The following PCDHGB1 variants were observed in gnomAD, a reference collection of about 807,000 sequenced individuals.
The protein encoded by PCDHGB1 is protocadherin gamma-B1.
A neutral mutation model predicts 56.6 loss-of-function variants in PCDHGB1; 34 were observed. That is an observed-to-expected ratio of 0.60 (90% CI 0.46 to 0.80). The LOEUF (loss-of-function observed/expected upper bound fraction) is 0.80, where lower values mean the gene tolerates loss of function less well. Ranked by LOEUF, PCDHGB1 falls within the 30% of genes least tolerant of loss-of-function variation. The pLI, the probability that PCDHGB1 is intolerant of heterozygous loss-of-function variation, is 0.00. For missense variants in PCDHGB1, 1,278 were observed against 1,204.6 expected, an observed-to-expected ratio of 1.06 and a Z score of -0.90; for synonymous variants, 561 against 505.9, an observed-to-expected ratio of 1.11 and a Z score of -1.46.
At chr5:141,373,930 A>G in intron 1 of PCDHGB1, 1 of 675,978 alleles carries the variant, frequency 1.5e-6, no homozygotes, top group Non-Finnish European at 2.3e-6. Context: ...TAGACGGGAA[A>G]GCAGGAAAGC....
At chr5:141,444,473 G>C (rs943971075) in intron 1 of PCDHGB1, among the ~76,000 whole-genome samples, 6 of 151,972 alleles carry the variant, frequency 3.9e-5, no homozygotes, top group South Asian at 2.1e-4. Flanking sequence ...GCCCGGTCGC[G>C]TACTGGATTT....
chr5:141,389,827 G>A lies in PCDHGB1; in HGVS notation c.2409+37158G>A, dbSNP rs754189855. ...CTTCTGGTCGCCGTGCGTGACGGTG[G>A]ACAGCCACCACTCTCGGCCACTGCC... On this transcript the variant is annotated intron_variant, in intron 1 of 3. Transcript: ENST00000523390. The A allele has an allele frequency of 1.4e-5, 22 of 1,613,838 alleles. No individual in the cohort carries two copies. The African/African-American group carries it at 2.7e-4, about 20-fold the overall frequency.
intron 1 of PCDHGB1, chr5:141,383,890 G>T: frequency 1.2e-6 from 2 of 1,613,936 alleles, no homozygotes; most frequent in East Asian, 2.2e-5. Context: ...TCTGACAAAG[G>T]CAAAAGTACT....
Position 141,485,200 on chromosome 5 carries a change from A to C in PCDHGB1, c.2410-9607A>C. 1 of 1,614,116 alleles carries C rather than the reference A, an allele frequency of 6.2e-7. No homozygotes were observed. The highest frequency in any genetic ancestry group is 2.2e-5 in the East Asian group (1 of 44,872). ...TGCTCCGCAAGGTGAGAAGCTGGAC[A>C]GAAATCTGGCGGTGGGCTACCCTTT... On this transcript the variant is annotated intron_variant, in intron 1 of 3. Coordinates refer to ENST00000523390, the MANE Select transcript of PCDHGB1 (RefSeq NM_018922.3). This position sits in a 1 kb window ranked among gnomAD's most constrained non-coding sequence, Gnocchi z 5.7.
intron 1 of PCDHGB1, chr5:141,384,020 G>C: frequency 6.2e-7 from 1 of 1,613,730 alleles, no homozygotes; most frequent in Non-Finnish European, 8.5e-7. Context: ...CTACAAGACA[G>C]AGATTCTGGA....
chr5:141,505,041 C>T (rs1028101225), intron 2 of PCDHGB1, among the ~76,000 whole-genome samples: 4 of 152,142 alleles, frequency 2.6e-5, no homozygotes, highest in African/African-American at 9.7e-5. Flanking sequence ...AGGTGCCTGT[C>T]ATCCCAGCTA....
intron 2 of PCDHGB1, among the ~76,000 whole-genome samples, chr5:141,496,582 G>C (rs991035985): frequency 6.6e-6 from 1 of 152,100 alleles, no homozygotes; most frequent in Non-Finnish European, 1.5e-5. Flanking sequence ...TTTTAGGAAC[G>C]CAAAGCGCTT....
chr5:141,394,006 TAGGTA>T, intron 1 of PCDHGB1: 3 of 1,613,358 alleles, frequency 1.9e-6, no homozygotes, highest in Admixed American at 3.3e-5. Flanking sequence ...GAAAAGTCAA[TAGGTA>T]ATTATTATAG....
chr5:141,409,338 A>C, intron 1 of PCDHGB1: 5 of 1,614,002 alleles, frequency 3.1e-6, no homozygotes, highest in Non-Finnish European at 4.2e-6. Flanking sequence ...TTCGGAGGAA[A>C]TGGAGAAGTC....
At chr5:141,433,605 G>C (rs1411907056) in intron 1 of PCDHGB1, among the ~76,000 whole-genome samples, 1 of 152,114 alleles carries the variant, frequency 6.6e-6, no homozygotes. Context: ...GGAGGCCGAG[G>C]CGGGTGGATC....
At chr5:141,361,325 C>T (rs1388509991) in intron 1 of PCDHGB1, 9 of 1,613,940 alleles carry the variant, frequency 5.6e-6, no homozygotes, top group Non-Finnish European at 7.6e-6. Flanking sequence ...TTGAAATCTT[C>T]CTCAAAGAAC....
chr5:141,458,922 G>A (rs747489537), intron 1 of PCDHGB1, among the ~76,000 whole-genome samples: 2 of 151,918 alleles, frequency 1.3e-5, no homozygotes, highest in East Asian at 1.9e-4. Flanking sequence ...TTGTGGAGAC[G>A]GGGTCTCACT....
chr5:141,455,936 C>T (rs1194722770), intron 1 of PCDHGB1, among the ~76,000 whole-genome samples: 3 of 151,422 alleles, frequency 2.0e-5, no homozygotes, highest in East Asian at 3.9e-4. Flanking sequence ...CTCGCTCTGT[C>T]GCCCAGGCTG....
chr5:141,372,230 C>T lies in PCDHGB1; in HGVS notation c.2409+19561C>T, dbSNP rs781407090. ...TGTCCTACCACATTGTGCAGGCCAG[C>T]GAGCCCGGGCTGTTCAGCCTGGGCC... On this transcript the variant is annotated intron_variant, in intron 1 of 3. Coordinates refer to ENST00000523390, the MANE Select transcript of PCDHGB1 (RefSeq NM_018922.3). The T allele has an allele frequency of 6.2e-6, 10 of 1,613,346 alleles. No individual in the cohort carries two copies. In the East Asian group the frequency reaches 2.2e-4, roughly 36 times the overall value.
At chr5:141,370,526 C>G in intron 1 of PCDHGB1, 1 of 1,613,860 alleles carries the variant, frequency 6.2e-7, no homozygotes, top group Non-Finnish European at 8.5e-7. Flanking sequence ...TGGACAGGGG[C>G]TCGCTGGTAG....
Position 141,409,074 on chromosome 5 carries a change from T to C in PCDHGB1, c.2409+56405T>C, listed in dbSNP as rs375843119. The C allele has an allele frequency of 4.3e-5, 69 of 1,613,884 alleles. No homozygotes were observed. Among genetic ancestry groups the C allele is most frequent in the South Asian group, 2.4e-4 (22 of 91,084 alleles). On this transcript the variant is annotated intron_variant, in intron 1 of 3. Coordinates refer to ENST00000523390, the MANE Select transcript of PCDHGB1 (RefSeq NM_018922.3). The stretch of plus-strand genomic sequence containing the variant: ...AGCACTGCCCAGAGCACAAAACATA[T>C]GTTCTCATTGGATGAGAAAACAGGT...
At chr5:141,455,690 C>T (rs1209152869) in intron 1 of PCDHGB1, among the ~76,000 whole-genome samples, 1 of 152,064 alleles carries the variant, frequency 6.6e-6, no homozygotes, top group Non-Finnish European at 1.5e-5. Context: ...CTGTGGGAAT[C>T]GCCAAGTTGA....
rs191953163 is a variant in PCDHGB1 at position 141,426,385 on chromosome 5, C to T, written c.2410-68422C>T. Reference sequence around the variant, plus strand: ...CTGCGGGGCACCCTCGGAGCAGATCCGCTACTCTATTCCAGAAGAAACGGT... The same window carrying T: ...CTGCGGGGCACCCTCGGAGCAGATCTGCTACTCTATTCCAGAAGAAACGGT... On this transcript the variant is annotated intron_variant, in intron 1 of 3. Transcript: ENST00000523390. 1.4e-3 allele frequency: 332 copies of T among 244,362 alleles called. 1 individual carries two copies. The highest frequency in any genetic ancestry group is 1.5e-3 in the Non-Finnish European group (188 of 121,940). 15.1% of individuals were successfully genotyped at this position (244,362 alleles called of 1,614,324 possible). A position where few individuals can be genotyped will look rare whatever the true frequency, so the allele number is the denominator to read the frequency against.
At chr5:141,398,575 A>G in intron 1 of PCDHGB1, 1 of 1,614,046 alleles carries the variant, frequency 6.2e-7, no homozygotes, top group South Asian at 1.1e-5. Flanking sequence ...ACAGCCTGGC[A>G]CAAGATTTAT....
Sources: allele counts gnomAD v4.1 joint callset (sites outside exome capture counted in the v4.1 genomes callset), GRCh38; gene constraint gnomAD v4.1.1; non-coding constraint Gnocchi (gnomAD v3.1); transcripts MANE v1.5; gene names NCBI Gene and HGNC (gene_info 2026-07-23, HGNC 2026-07-21).